The following CENPW variants were observed in gnomAD, a reference collection of about 807,000 sequenced individuals.
CENPW encodes the protein cancer-up-regulated gene 2 protein.
In CENPW, 3 loss-of-function variants were observed where a neutral mutation model predicts 11.1. The ratio of observed to expected loss-of-function variants is 0.27; its 90% CI spans 0.12 to 0.70. CENPW has a LOEUF of 0.70. Among genes scored for constraint, CENPW ranks in the 30% least tolerant of loss-of-function variants. The pLI, the probability that CENPW is intolerant of heterozygous loss-of-function variation, is 0.77. For missense variants in CENPW, 100 were observed against 105.6 expected, an observed-to-expected ratio of 0.95 and a Z score of 0.23; for synonymous variants, 38 against 42.0, an observed-to-expected ratio of 0.91 and a Z score of 0.37.
At chr6:126,408,506 T>G in the CENPW span, among the ~76,000 whole-genome samples, 11 of 152,140 alleles carry the variant, frequency 7.2e-5, 1 homozygote, top group South Asian at 2.3e-3. Flanking sequence ...CTCATGACAC[T>G]TGGGAATTAT....
At chr6:126,479,746 A>G in the CENPW span, among the ~76,000 whole-genome samples, 2 of 152,012 alleles carry the variant, frequency 1.3e-5, no homozygotes, top group Admixed American at 6.6e-5. Context: ...TCCACTTGTT[A>G]TATGAGAACA....
At chr6:126,399,571 TTTTC>T in the CENPW span, among the ~76,000 whole-genome samples, 61 of 152,250 alleles carry the variant, frequency 4.0e-4, no homozygotes, top group African/African-American at 1.4e-3. Context: ...TTACATCTGT[TTTTC>T]TTTTTTATTA....
the CENPW span, among the ~76,000 whole-genome samples, chr6:126,395,807 G>A: frequency 6.6e-6 from 1 of 152,142 alleles, no homozygotes; most frequent in Non-Finnish European, 1.5e-5. Context: ...CACCTTGGTG[G>A]CCTTGGATAA....
the CENPW span, among the ~76,000 whole-genome samples, chr6:126,447,778 C>T: frequency 6.6e-6 from 1 of 151,122 alleles, no homozygotes; most frequent in African/African-American, 2.4e-5. Flanking sequence ...AGATCCTGCT[C>T]CCTCTATCTA....
At chr6:126,443,697 A>G in the CENPW span, among the ~76,000 whole-genome samples, 1 of 151,244 alleles carries the variant, frequency 6.6e-6, no homozygotes, top group Non-Finnish European at 1.5e-5. Flanking sequence ...ACATATAGCC[A>G]TTATATGCTA....
the CENPW span, among the ~76,000 whole-genome samples, chr6:126,480,331 C>T: frequency 6.6e-6 from 1 of 151,958 alleles, no homozygotes; most frequent in Non-Finnish European, 1.5e-5. Context: ...GTGTTGTGGT[C>T]TATGAACATG....
chr6:126,354,773 A>G, the CENPW span, among the ~76,000 whole-genome samples: 3 of 152,092 alleles, frequency 2.0e-5, no homozygotes, highest in Admixed American at 6.6e-5. Context: ...TTGCTCTTCA[A>G]TTAAATGGTT....
chr6:126,416,905 A>G, the CENPW span, among the ~76,000 whole-genome samples: 1 of 152,224 alleles, frequency 6.6e-6, no homozygotes, highest in South Asian at 2.1e-4. Flanking sequence ...CAGAGTCCTT[A>G]CTGGGGCACT....
the CENPW span, among the ~76,000 whole-genome samples, chr6:126,362,354 G>A: frequency 7.9e-5 from 12 of 152,216 alleles, no homozygotes; most frequent in East Asian, 2.1e-3. Context: ...TGGGGGTGTG[G>A]GGTTCCCTGT....
At chr6:126,452,553 T>C in the CENPW span, among the ~76,000 whole-genome samples, 2 of 150,848 alleles carry the variant, frequency 1.3e-5, no homozygotes, top group African/African-American at 4.9e-5. Context: ...TAAGTGGACT[T>C]GAAAATGGGT....
the CENPW span, among the ~76,000 whole-genome samples, chr6:126,452,467 G>C: frequency 6.6e-6 from 1 of 151,074 alleles, no homozygotes; most frequent in Non-Finnish European, 1.5e-5. Flanking sequence ...GCTGAGAAAA[G>C]AGTAGCAACA....
the CENPW span, among the ~76,000 whole-genome samples, chr6:126,416,807 G>A: frequency 6.6e-6 from 1 of 152,342 alleles, no homozygotes; most frequent in Admixed American, 6.5e-5. Context: ...TGGATGTCCA[G>A]GCAGAAGTTT....
the CENPW span, among the ~76,000 whole-genome samples, chr6:126,384,862 A>G: frequency 6.6e-6 from 1 of 152,124 alleles, no homozygotes; most frequent in Admixed American, 6.6e-5. Flanking sequence ...TTTGCAAACT[A>G]TGCATCTGAC....
the CENPW span, among the ~76,000 whole-genome samples, chr6:126,449,406 A>G: frequency 6.6e-6 from 1 of 150,992 alleles, no homozygotes; most frequent in Non-Finnish European, 1.5e-5. Context: ...AAACCTTGAC[A>G]AATATTTACA....
chr6:126,402,738 TTTTA>T, the CENPW span, among the ~76,000 whole-genome samples: 6 of 152,100 alleles, frequency 3.9e-5, no homozygotes, highest in Non-Finnish European at 7.4e-5. Context: ...ATATACCACA[TTTTA>T]TTTATCATTT....
chr6:126,441,525 T>C, the CENPW span, among the ~76,000 whole-genome samples: 1 of 151,502 alleles, frequency 6.6e-6, no homozygotes, highest in African/African-American at 2.4e-5. Context: ...ATAAGTTTAG[T>C]GGTGATTTCT....
the CENPW span, among the ~76,000 whole-genome samples, chr6:126,472,936 A>G: frequency 6.6e-6 from 1 of 152,222 alleles, no homozygotes; most frequent in African/African-American, 2.4e-5. Context: ...TATCTAATAG[A>G]ATATGCTAAT....
chr6:126,384,834 C>G, the CENPW span, among the ~76,000 whole-genome samples: 2 of 152,012 alleles, frequency 1.3e-5, no homozygotes, highest in African/African-American at 4.8e-5. Context: ...AACAGACAAC[C>G]TACAGAATGA....
At chr6:126,349,201 A>C (rs1181276074), downstream of CENPW, among the ~76,000 whole-genome samples, 3 of 152,120 alleles carry the variant, frequency 2.0e-5, no homozygotes, top group African/African-American at 7.2e-5. Context: ...ATAGATTTCA[A>C]CATGTAGTTG....
Sources: allele counts gnomAD v4.1 joint callset (sites outside exome capture counted in the v4.1 genomes callset), GRCh38; gene constraint gnomAD v4.1.1; transcripts MANE v1.5; gene names NCBI Gene and HGNC (gene_info 2026-07-23, HGNC 2026-07-21).